The following PRMT7 variants were observed in gnomAD, a reference collection of about 807,000 sequenced individuals.
The protein encoded by PRMT7 is protein arginine N-methyltransferase 7.
A neutral mutation model predicts 85.4 loss-of-function variants in PRMT7; 75 were observed. The ratio of observed to expected loss-of-function variants is 0.88; its 90% CI spans 0.73 to 1.06. The LOEUF (loss-of-function observed/expected upper bound fraction) is 1.06, where lower values mean the gene tolerates loss of function less well. Ranked by LOEUF, PRMT7 falls within the 50% of genes least tolerant of loss-of-function variation. PRMT7 has a pLI of 0.00. For synonymous variants in PRMT7, 397 were observed against 359.5 expected, an observed-to-expected ratio of 1.10 and a Z score of -1.18; for missense variants, 868 against 915.2, an observed-to-expected ratio of 0.95 and a Z score of 0.67.
chr16:68,352,766 A>G, intron 15 of PRMT7: 1 of 171,952 alleles, frequency 5.8e-6, no homozygotes, highest in Non-Finnish European at 1.2e-5. Context: ...TGGGAGAGTC[A>G]GCTGCTTTGT....
intron 14 of PRMT7, 72 bp downstream of exon 14, chr16:68,348,503 GC>G (rs1597441872): frequency 8.1e-7 from 1 of 1,240,644 alleles, no homozygotes; most frequent in Admixed American, 2.0e-5. Flanking sequence ...AGTAGCCCAG[GC>G]CCCACCCTGT....
intron 9 of PRMT7, 22 bp downstream of exon 9, chr16:68,339,990 T>C (rs1312634502): frequency 6.3e-7 from 1 of 1,583,564 alleles, no homozygotes; most frequent in East Asian, 2.2e-5. Flanking sequence ...GAGCCTAGCA[T>C]GTGCCCTGTC....
chr16:68,354,626 CCTT>C (rs1161155420), intron 16 of PRMT7: 1 of 152,388 alleles, frequency 6.6e-6, no homozygotes, highest in Non-Finnish European at 1.5e-5. Context: ...TTAGAAATCT[CCTT>C]CGTGCTGAGC....
intron 4 of PRMT7, 46 bp downstream of exon 4, chr16:68,321,508 G>A: frequency 1.3e-6 from 2 of 1,535,906 alleles, no homozygotes; most frequent in Non-Finnish European, 9.0e-7. Context: ...GTGTTTTGAA[G>A]TCTTGGATTA....
At chr16:68,325,792 A>G (rs2083043595) in intron 5 of PRMT7, among the ~76,000 whole-genome samples, 2 of 152,136 alleles carry the variant, frequency 1.3e-5, no homozygotes, top group South Asian at 4.1e-4. Context: ...CTCCATCTCA[A>G]AACAAAACAA....
chr16:68,342,181 G>A (rs1387249323), intron 9 of PRMT7, among the ~76,000 whole-genome samples: 1 of 152,162 alleles, frequency 6.6e-6, no homozygotes, highest in African/African-American at 2.4e-5. Flanking sequence ...GGGAGGCTGA[G>A]GCAGGAGAAT....
rs529065880 is a variant in PRMT7 at position 68,317,724 on chromosome 16, G to C, written c.95+1650G>C. Among the ~76,000 whole-genome samples the C allele has an allele frequency of 4.6e-5, 7 of 152,154 alleles. No homozygotes were observed. The South Asian group carries it at 8.3e-4, about 18-fold the overall frequency. ...TGCATGCCTGTAATCCCAGCTGCTC[G>C]GGAGGCTGAGGCAGGAGAATCACTT... On this transcript the variant is annotated intron_variant, in intron 3 of 18. Transcript: ENST00000441236.
At chr16:68,326,538 G>A (rs1298963259) in intron 5 of PRMT7, among the ~76,000 whole-genome samples, 1 of 152,158 alleles carries the variant, frequency 6.6e-6, no homozygotes, top group African/African-American at 2.4e-5. Flanking sequence ...GAATCACTGC[G>A]CCCTGCCTTG....
intron 6 of PRMT7, among the ~76,000 whole-genome samples, chr16:68,333,903 G>C (rs2084283799): frequency 6.6e-6 from 1 of 152,116 alleles, no homozygotes; most frequent in African/African-American, 2.4e-5. Flanking sequence ...CTCCTAAGTA[G>C]CTGATATTAC....
chr16:68,335,780 CTTT>C (rs771646295), intron 6 of PRMT7, among the ~76,000 whole-genome samples: 1 of 138,000 alleles, frequency 7.2e-6, no homozygotes, highest in Non-Finnish European at 1.6e-5. Flanking sequence ...TGCTCTCTTT[CTTT>C]TTTTTTTTTT....
chr16:68,336,944 G>T (rs922893275), intron 6 of PRMT7, among the ~76,000 whole-genome samples: 1 of 152,156 alleles, frequency 6.6e-6, no homozygotes, highest in Admixed American at 6.5e-5. Context: ...GTAGAGATGG[G>T]GTTTCGCCAT....
chr16:68,345,609 G>T, intron 9 of PRMT7, 66 bp from the exon 10 acceptor site: 5 of 1,601,164 alleles, frequency 3.1e-6, no homozygotes, highest in Non-Finnish European at 4.3e-6. Flanking sequence ...CTGGCATTTG[G>T]CTCCTGGATT....
chr16:68,346,167 C>A lies in PRMT7; in HGVS notation c.1078C>A (p.Arg360Ser). The change falls in exon 11 of 19, where the codon CGC (arginine) becomes AGC (serine). Residue 360 changes from arginine to serine, a missense_variant. Transcript: ENST00000441236. ...TAGCCCTGAAAAGAATGAGAGAGTC[C>A]GCCAGATGCGCCCCGTGTGTGACTG... is the stretch of plus-strand genomic sequence containing the variant. ...RTSPEKNERV[R>S]QMRPVCDCQA... is the part of the protein sequence containing the mutation. 3 of 1,613,960 alleles carry A rather than the reference C, an allele frequency of 1.9e-6. No homozygotes were observed. Among genetic ancestry groups the A allele is most frequent in the South Asian group, 2.2e-5 (2 of 91,070 alleles).
intron 5 of PRMT7, among the ~76,000 whole-genome samples, chr16:68,326,921 G>A (rs1200193011): frequency 2.0e-5 from 3 of 152,176 alleles, no homozygotes; most frequent in African/African-American, 4.8e-5. Flanking sequence ...GGTGAGGGAC[G>A]ACACTGGCTT....
chr16:68,352,855 C>T (rs893724961), intron 15 of PRMT7, among the ~76,000 whole-genome samples: 2 of 152,178 alleles, frequency 1.3e-5, no homozygotes, highest in Non-Finnish European at 2.9e-5. Flanking sequence ...TTGGGAAGGG[C>T]ATTTTTATTA....
chr16:68,353,435 C>G, intron 15 of PRMT7, 57 bp from the exon 16 acceptor site: 1 of 1,606,000 alleles, frequency 6.2e-7, no homozygotes, highest in Non-Finnish European at 8.5e-7. Context: ...GTTCTTGCTG[C>G]CACGCTTCCC....
intron 9 of PRMT7, among the ~76,000 whole-genome samples, chr16:68,343,658 C>T (rs1355651170): frequency 6.6e-6 from 1 of 152,196 alleles, no homozygotes; most frequent in African/African-American, 2.4e-5. Flanking sequence ...AAGGGTTCTC[C>T]TGTCTTCTTC....
chr16:68,352,779 A>C (rs1045965381), intron 15 of PRMT7: 2 of 165,000 alleles, frequency 1.2e-5, no homozygotes, highest in Non-Finnish European at 2.6e-5. Flanking sequence ...TGCTTTGTGC[A>C]AGAAAAAATG....
chr16:68,319,685 A>C (rs76725083), intron 3 of PRMT7, among the ~76,000 whole-genome samples: 3,404 of 145,304 alleles, frequency 0.023, 152 homozygotes, highest in African/African-American at 0.082. Flanking sequence ...GGAGCACATT[A>C]GCCCAGCCTT....
Sources: allele counts gnomAD v4.1 joint callset (sites outside exome capture counted in the v4.1 genomes callset), GRCh38; gene constraint gnomAD v4.1.1; transcripts MANE v1.5; gene names NCBI Gene and HGNC (gene_info 2026-07-23, HGNC 2026-07-21).